CEP112: variants seen among roughly 807,000 people sequenced by gnomAD.
CEP112 encodes centrosomal protein 112.
Under a neutral mutation model 153.0 loss-of-function variants are expected in CEP112, and 127 were observed. The ratio of observed to expected loss-of-function variants is 0.83; its 90% CI spans 0.72 to 0.96. The LOEUF (loss-of-function observed/expected upper bound fraction) is 0.96. CEP112 is among the 40% of genes least tolerant of loss of function. The pLI is 0.00. For missense variants in CEP112, 1,089 were observed against 1,101.2 expected, an observed-to-expected ratio of 0.99 and a Z score of 0.16; for synonymous variants, 358 against 374.4, an observed-to-expected ratio of 0.96 and a Z score of 0.51.
At chr17:66,101,445 G>GA (rs544934523) in intron 6 of CEP112, among the ~76,000 whole-genome samples, 164 of 151,650 alleles carry the variant, frequency 1.1e-3, no homozygotes, top group Non-Finnish European at 1.9e-3. Context: ...AATCAAGAGG[G>GA]AAAAAAAAGA....
At chr17:65,787,207 C>A (rs2054327161) in intron 21 of CEP112, among the ~76,000 whole-genome samples, 1 of 152,224 alleles carries the variant, frequency 6.6e-6, no homozygotes, top group Non-Finnish European at 1.5e-5. Flanking sequence ...AGGCCAGGCA[C>A]AGTGGCTCAC....
chr17:65,762,599 T>G (rs2145406816), intron 21 of CEP112, among the ~76,000 whole-genome samples: 1 of 152,072 alleles, frequency 6.6e-6, no homozygotes, highest in South Asian at 2.1e-4. Context: ...TAAAACATAT[T>G]TTTTACTGGT....
intron 23 of CEP112, among the ~76,000 whole-genome samples, chr17:65,699,849 A>G (rs1021996105): frequency 5.9e-5 from 9 of 152,120 alleles, no homozygotes; most frequent in African/African-American, 1.7e-4. Context: ...TTTCTCCCCC[A>G]TTAGTGAACT....
chr17:65,765,839 C>A (rs1200284166), intron 21 of CEP112, among the ~76,000 whole-genome samples: 1 of 152,056 alleles, frequency 6.6e-6, no homozygotes, highest in Non-Finnish European at 1.5e-5. Flanking sequence ...ACATTAAGGT[C>A]TATCTGCAGA....
chr17:66,139,116 T>C (rs908577056), intron 4 of CEP112, among the ~76,000 whole-genome samples: 1 of 151,798 alleles, frequency 6.6e-6, no homozygotes, highest in Non-Finnish European at 1.5e-5. Context: ...GAAGTAAATA[T>C]TAATAGTAAG....
At chr17:65,919,108 C>A (rs2144016337) in intron 19 of CEP112, among the ~76,000 whole-genome samples, 1 of 152,344 alleles carries the variant, frequency 6.6e-6, no homozygotes, top group South Asian at 2.1e-4. Flanking sequence ...CCTGGGGGAT[C>A]TGAGGGCATA....
intron 4 of CEP112, among the ~76,000 whole-genome samples, chr17:66,149,857 G>T (rs2071091592): frequency 1.7e-5 from 2 of 116,502 alleles, no homozygotes; most frequent in African/African-American, 3.2e-5. Flanking sequence ...TCCTTAAGGT[G>T]TAAATTTAGG....
At chr17:65,718,599 GT>G (rs2049689063) in intron 23 of CEP112, among the ~76,000 whole-genome samples, 1 of 152,044 alleles carries the variant, frequency 6.6e-6, no homozygotes, top group Non-Finnish European at 1.5e-5. Context: ...GGAGGGTTTA[GT>G]TTAGCTTTCT....
intron 21 of CEP112, among the ~76,000 whole-genome samples, chr17:65,751,463 C>T (rs916054495): frequency 6.6e-6 from 1 of 152,138 alleles, no homozygotes; most frequent in Non-Finnish European, 1.5e-5. Context: ...TGTGTCTTTT[C>T]CCCATCAATC....
At chr17:65,753,091 A>G (rs1403902247) in intron 21 of CEP112, among the ~76,000 whole-genome samples, 1 of 152,210 alleles carries the variant, frequency 6.6e-6, no homozygotes, top group African/African-American at 2.4e-5. Flanking sequence ...AGAGATAAAA[A>G]CAGGTGAGTT....
At chr17:65,939,069 C>T in intron 18 of CEP112, among the ~76,000 whole-genome samples, 1 of 152,082 alleles carries the variant, frequency 6.6e-6, no homozygotes, top group Middle Eastern at 3.2e-3. Flanking sequence ...GCCTCAGCCT[C>T]CCAAAGTGTT....
At chr17:65,756,405 C>CAAAAAAAAAA (rs766476895) in intron 21 of CEP112, among the ~76,000 whole-genome samples, 1 of 30,514 alleles carries the variant, frequency 3.3e-5, no homozygotes, top group Non-Finnish European at 6.0e-5. Flanking sequence ...GACTCCGTCT[C>CAAAAAAAAAA]AAAAAAAAAA....
intron 20 of CEP112, among the ~76,000 whole-genome samples, chr17:65,869,914 G>C (rs1021344227): frequency 6.6e-6 from 1 of 151,300 alleles, no homozygotes; most frequent in African/African-American, 2.4e-5. Flanking sequence ...AAAAACTTTA[G>C]AACAATTAAT....
At chr17:66,076,798 GT>G (rs2067517394) in intron 8 of CEP112, among the ~76,000 whole-genome samples, 1 of 152,184 alleles carries the variant, frequency 6.6e-6, no homozygotes, top group Non-Finnish European at 1.5e-5. Context: ...CCCTCACAGA[GT>G]CCATTTCACC....
Position 66,069,555 on chromosome 17 carries a change from G to C in CEP112, c.855+360C>G, listed in dbSNP as rs1315290596. 2.0e-5 allele frequency among the ~76,000 whole-genome samples: 3 copies of C among 151,692 alleles called. No homozygotes were observed. The East Asian group carries it at 5.8e-4, about 29-fold the overall frequency. ...TTACCAGAAAACCAAAAGAATATTA[G>C]AATAAAACAAATTCTAGTATTTACC... On this transcript the variant is annotated intron_variant, in intron 9 of 26. Transcript: ENST00000535342.
At chr17:66,173,297 C>T (rs1476022487) in intron 4 of CEP112, among the ~76,000 whole-genome samples, 2 of 152,188 alleles carry the variant, frequency 1.3e-5, no homozygotes, top group Admixed American at 6.5e-5. Context: ...CAACATATGG[C>T]TGTCTCTTAG....
intron 12 of CEP112, among the ~76,000 whole-genome samples, chr17:66,044,899 T>C (rs2066137820): frequency 6.6e-6 from 1 of 152,264 alleles, no homozygotes; most frequent in South Asian, 2.1e-4. Flanking sequence ...AAGAATGTGA[T>C]GATTTATTTG....
At chr17:66,186,018 C>T (rs1354286757) in intron 1 of CEP112, among the ~76,000 whole-genome samples, 1 of 151,518 alleles carries the variant, frequency 6.6e-6, no homozygotes, top group East Asian at 1.9e-4. Flanking sequence ...CTCATAATCT[C>T]TCTCATTCTC....
chr17:65,781,246 G>A (rs900469966), intron 21 of CEP112, among the ~76,000 whole-genome samples: 1 of 152,038 alleles, frequency 6.6e-6, no homozygotes, highest in Admixed American at 6.6e-5. Flanking sequence ...AGCCAAATCA[G>A]GAATGCAATC....
Sources: gnomAD v4.1 joint callset for allele counts (sites outside exome capture counted in the v4.1 genomes callset) on GRCh38, gnomAD v4.1.1 for gene constraint, MANE v1.5 for transcripts, NCBI Gene and HGNC (gene_info 2026-07-23, HGNC 2026-07-21) for gene names.